The following KSR2 variants were observed in gnomAD, a reference collection of about 807,000 sequenced individuals.
The protein encoded by KSR2 is kinase suppressor of ras 2.
A neutral mutation model predicts 107.8 loss-of-function variants in KSR2; 25 were observed. The ratio of observed to expected loss-of-function variants is 0.23; its 90% CI spans 0.17 to 0.32. KSR2 has a LOEUF of 0.32. Ranked by LOEUF, KSR2 falls within the 10% of genes least tolerant of loss-of-function variation. The pLI, the probability that KSR2 is intolerant of heterozygous loss-of-function variation, is 1.00. For synonymous variants in KSR2, 480 were observed against 507.0 expected, an observed-to-expected ratio of 0.95 and a Z score of 0.71; for missense variants, 887 against 1,268.9, an observed-to-expected ratio of 0.70 and a Z score of 4.57.
chr12:117,937,498 T>C (rs1895882488), intron 1 of KSR2, among the ~76,000 whole-genome samples: 1 of 152,126 alleles, frequency 6.6e-6, no homozygotes, highest in Non-Finnish European at 1.5e-5. Context: ...ATTAATGTTA[T>C]ACTTTCAAAT....
At chr12:117,679,388 G>A (rs2136528889) in intron 4 of KSR2, among the ~76,000 whole-genome samples, 1 of 152,310 alleles carries the variant, frequency 6.6e-6, no homozygotes, top group African/African-American at 2.4e-5. Context: ...GAGAGGTTAT[G>A]CGGCACTTGG....
intron 4 of KSR2, among the ~76,000 whole-genome samples, chr12:117,686,636 G>A (rs1885583507): frequency 6.6e-6 from 1 of 152,096 alleles, no homozygotes. Context: ...CAGAGTCAGT[G>A]TTCTAAGCAA....
chr12:117,734,319 A>G (rs1037190172), intron 4 of KSR2, among the ~76,000 whole-genome samples: 3 of 151,704 alleles, frequency 2.0e-5, no homozygotes, highest in Non-Finnish European at 4.4e-5. Flanking sequence ...CTACACGACT[A>G]CACAGAGGCA....
intron 10 of KSR2, among the ~76,000 whole-genome samples, chr12:117,537,700 C>A (rs1029665509): frequency 6.6e-6 from 1 of 152,162 alleles, no homozygotes; most frequent in Non-Finnish European, 1.5e-5. Context: ...CCCAAAGGAC[C>A]CCTTAGCCCA....
rs557078029 is a variant in KSR2 at position 117,456,038 on chromosome 12, G to A, written c.*11161C>T. ...TGGGGCTTTATGAGGATTGATTCCA[G>A]ACGCAAAGTCAGGGTGTGTTTTGAT... On this transcript the variant is annotated 3_prime_UTR_variant, in exon 20 of 20. Transcript: ENST00000339824. 2 of 152,364 alleles carry A rather than the reference G, an allele frequency of 1.3e-5. No individual in the cohort carries two copies. Among genetic ancestry groups the A allele is most frequent in the South Asian group, 4.1e-4 (2 of 4,824 alleles). 9.4% of individuals were successfully genotyped at this position (152,364 alleles called of 1,614,324 possible).
chr12:117,909,258 ATCACT>A lies in KSR2; in HGVS notation c.181-48832_181-48828del, dbSNP rs1020876247. Among the ~76,000 whole-genome samples, 29 of 152,304 alleles carry A rather than the reference ATCACT, an allele frequency of 1.9e-4. 1 individual carries two copies. The highest frequency in any genetic ancestry group is 6.5e-4 in the African/African-American group (27 of 41,570). On this transcript the variant is annotated intron_variant, in intron 1 of 19. Transcript: ENST00000339824. ...TCTTCAGCCTGACTAAAATTTGAAC[ATCACT>A]TCACTACCCCACTGTTGTATCCTTT... is the stretch of plus-strand genomic sequence containing the variant.
chr12:117,531,638 G>A (rs748368411), intron 11 of KSR2, 28 bp downstream of exon 11: 2 of 1,597,922 alleles, frequency 1.3e-6, no homozygotes, highest in Non-Finnish European at 1.7e-6. Flanking sequence ...GTTCAGAAGG[G>A]GCTGCTTCCA....
chr12:117,585,470 A>G (rs913586203), intron 5 of KSR2, among the ~76,000 whole-genome samples: 1 of 152,178 alleles, frequency 6.6e-6, no homozygotes, highest in Admixed American at 6.5e-5. Context: ...AATTCTGTCA[A>G]TTGCATTAAG....
chr12:117,825,855 G>A (rs1223856926), intron 3 of KSR2, among the ~76,000 whole-genome samples: 1 of 150,574 alleles, frequency 6.6e-6, no homozygotes, highest in Non-Finnish European at 1.5e-5. Context: ...GGATAAATGG[G>A]TGGGTGGGTT....
intron 4 of KSR2, among the ~76,000 whole-genome samples, chr12:117,706,032 G>A (rs1006915607): frequency 9.1e-4 from 132 of 144,866 alleles, no homozygotes; most frequent in African/African-American, 3.2e-3. Flanking sequence ...GCTGAGTGTT[G>A]TTGGGTCTTT....
At chr12:117,787,825 C>T (rs891395850) in intron 3 of KSR2, among the ~76,000 whole-genome samples, 2 of 152,194 alleles carry the variant, frequency 1.3e-5, no homozygotes, top group African/African-American at 4.8e-5. Flanking sequence ...ACAGGATGAA[C>T]TGCCATCTGT....
intron 9 of KSR2, among the ~76,000 whole-genome samples, chr12:117,553,612 T>C (rs964630318): frequency 1.3e-5 from 2 of 152,154 alleles, no homozygotes; most frequent in African/African-American, 4.8e-5. Context: ...TTTCCACTGA[T>C]ATCGTTTGGA....
chr12:117,638,593 T>A (rs1487040105), intron 5 of KSR2, among the ~76,000 whole-genome samples: 1 of 151,720 alleles, frequency 6.6e-6, no homozygotes, highest in African/African-American at 2.4e-5. Context: ...AATTAAAAGA[T>A]ATACTATTTA....
At chr12:117,962,105 A>G (rs1896677727) in intron 1 of KSR2, among the ~76,000 whole-genome samples, 1 of 148,118 alleles carries the variant, frequency 6.8e-6, no homozygotes, top group Non-Finnish European at 1.5e-5. Flanking sequence ...TGATGGCACC[A>G]CTGTACTCCA....
chr12:117,463,325 G>A lies in KSR2; in HGVS notation c.*3874C>T, dbSNP rs1870995754. On this transcript the variant is annotated 3_prime_UTR_variant, in exon 20 of 20. Transcript: ENST00000339824. The stretch of plus-strand genomic sequence containing the variant: ...CCCTCCAACTTCCTGTTCCTCCCCT[G>A]AGAGCCATATCCAACCCTCTCTATC... 1 of 152,140 alleles carries A rather than the reference G, an allele frequency of 6.6e-6. No homozygotes were observed. Among genetic ancestry groups the A allele is most frequent in the Non-Finnish European group, 1.5e-5 (1 of 68,058 alleles). The allele number at this position is 152,140 out of a possible 1,614,324, so 9.4% of individuals were successfully genotyped here. A position where few individuals can be genotyped will look rare whatever the true frequency, so the allele number is the denominator to read the frequency against.
intron 3 of KSR2, among the ~76,000 whole-genome samples, chr12:117,831,118 T>C (rs944981948): frequency 5.9e-5 from 9 of 152,238 alleles, no homozygotes; most frequent in African/African-American, 2.2e-4. Context: ...CAATATGCCC[T>C]TGCCGCTTTA....
chr12:117,823,726 C>T (rs1891643727), intron 3 of KSR2, among the ~76,000 whole-genome samples: 1 of 152,272 alleles, frequency 6.6e-6, no homozygotes, highest in East Asian at 1.9e-4. Context: ...CAGTGGTCTC[C>T]TTGCACATAC....
At chr12:117,588,950 A>C (rs1428996087) in intron 5 of KSR2, among the ~76,000 whole-genome samples, 1 of 152,242 alleles carries the variant, frequency 6.6e-6, no homozygotes. Context: ...TCTTGCAGCT[A>C]TGTCTTCATT....
chr12:117,469,562 CTTG>C (rs772979134), intron 19 of KSR2, 97 bp downstream of exon 19: 20 of 1,393,060 alleles, frequency 1.4e-5, no homozygotes, highest in South Asian at 4.0e-5. Context: ...TGGATAGGAG[CTTG>C]TTGGGGGAGG....
Sources: gnomAD v4.1 joint callset for allele counts (sites outside exome capture counted in the v4.1 genomes callset) on GRCh38, gnomAD v4.1.1 for gene constraint, MANE v1.5 for transcripts, NCBI Gene and HGNC (gene_info 2026-07-23, HGNC 2026-07-21) for gene names.